KCNIP4: variants seen among roughly 807,000 people sequenced by gnomAD.
KCNIP4 encodes the protein potassium voltage-gated channel interacting protein 4, also known as Kv channel-interacting protein 4.
A neutral mutation model predicts 34.0 loss-of-function variants in KCNIP4; 12 were observed. The ratio of observed to expected loss-of-function variants is 0.35; its 90% CI spans 0.23 to 0.57. KCNIP4 has a LOEUF of 0.57. KCNIP4 is among the 20% of genes least tolerant of loss of function. KCNIP4 has a pLI of 0.83. For missense variants in KCNIP4, 238 were observed against 311.7 expected (o/e 0.76, Z 1.78); for synonymous variants, 124 against 102.2 (o/e 1.21, Z -1.29).
intron 1 of KCNIP4, among the ~76,000 whole-genome samples, chr4:21,212,542 A>G (rs1253748446): frequency 1.3e-5 from 2 of 152,202 alleles, no homozygotes; most frequent in Non-Finnish European, 2.9e-5. Flanking sequence ...GGATTGCTAC[A>G]ATGAATATCA....
chr4:21,275,794 T>A (rs1762401311), intron 1 of KCNIP4, among the ~76,000 whole-genome samples: 1 of 152,204 alleles, frequency 6.6e-6, no homozygotes, highest in Non-Finnish European at 1.5e-5. Context: ...AGAATTCCAA[T>A]TGCGGAGGCT....
intron 5 of KCNIP4, among the ~76,000 whole-genome samples, chr4:20,740,713 C>T (rs1312662826): frequency 6.6e-6 from 1 of 152,160 alleles, no homozygotes; most frequent in Non-Finnish European, 1.5e-5. Context: ...GGATCAAATT[C>T]ACACATAACA....
intron 1 of KCNIP4, among the ~76,000 whole-genome samples, chr4:20,960,597 G>C (rs1260747427): frequency 1.3e-5 from 2 of 152,222 alleles, no homozygotes; most frequent in Admixed American, 1.3e-4. Flanking sequence ...ATGGAAATCT[G>C]TGCAAGGCAA....
Position 21,841,371 on chromosome 4 carries a change from T to C in KCNIP4, c.61+107200A>G, listed in dbSNP as rs544358367. Among the ~76,000 whole-genome samples, 103 of 152,312 alleles carry C rather than the reference T, an allele frequency of 6.8e-4. 1 individual carries two copies. The South Asian group carries it at 0.012, about 18-fold the overall frequency. Reference sequence around the variant, plus strand: ...ACCTGGTCTCTTTTTAAACACTTGTTAGCAGGAAGCTATTCGTTTATTTGA... The same window carrying C: ...ACCTGGTCTCTTTTTAAACACTTGTCAGCAGGAAGCTATTCGTTTATTTGA... On this transcript the variant is annotated intron_variant, in intron 1 of 8. Transcript: ENST00000382152.
At chr4:21,754,201 TC>T (rs1419069009) in intron 1 of KCNIP4, among the ~76,000 whole-genome samples, 1 of 152,190 alleles carries the variant, frequency 6.6e-6, no homozygotes, top group Non-Finnish European at 1.5e-5. Flanking sequence ...AGGTTTCTGC[TC>T]AACTGTCACT....
intron 1 of KCNIP4, chr4:21,849,232 C>A (rs529977283): frequency 6.6e-6 from 1 of 152,154 alleles, no homozygotes; most frequent in East Asian, 1.9e-4. Context: ...CCACTCTATT[C>A]TTTTAGCTGT....
intron 1 of KCNIP4, among the ~76,000 whole-genome samples, chr4:20,996,484 T>C (rs1560631845): frequency 6.6e-6 from 1 of 152,204 alleles, no homozygotes; most frequent in African/African-American, 2.4e-5. Flanking sequence ...ATTTATTAAA[T>C]AAACTAAGAC....
chr4:21,128,572 C>T (rs1026474616), intron 1 of KCNIP4, among the ~76,000 whole-genome samples: 3 of 152,166 alleles, frequency 2.0e-5, no homozygotes, highest in African/African-American at 7.2e-5. Context: ...ATTCTATTTA[C>T]CAACTCCTTC....
intron 1 of KCNIP4, among the ~76,000 whole-genome samples, chr4:21,708,180 A>G (rs1713439063): frequency 6.6e-6 from 1 of 152,150 alleles, no homozygotes; most frequent in East Asian, 1.9e-4. Flanking sequence ...AGTTATAGGA[A>G]GTATTAAAAT....
intron 1 of KCNIP4, among the ~76,000 whole-genome samples, chr4:21,254,245 A>G (rs962751461): frequency 1.3e-5 from 2 of 152,204 alleles, no homozygotes; most frequent in African/African-American, 2.4e-5. Context: ...AGTTTCAAAC[A>G]TGGTTGTTGC....
chr4:20,733,908 G>T (rs184348162), intron 6 of KCNIP4, among the ~76,000 whole-genome samples: 1 of 152,100 alleles, frequency 6.6e-6, no homozygotes, highest in Non-Finnish European at 1.5e-5. Context: ...CTCCAGTAGC[G>T]CAAGTTCATG....
chr4:20,918,450 G>A (rs558972055), intron 1 of KCNIP4, among the ~76,000 whole-genome samples: 1 of 152,024 alleles, frequency 6.6e-6, no homozygotes, highest in African/African-American at 2.4e-5. Flanking sequence ...TGTCAAACCA[G>A]GCATATCTTT....
At chr4:21,376,538 C>A (rs1390266) in intron 1 of KCNIP4, among the ~76,000 whole-genome samples, 130,231 of 152,256 alleles carry the variant, frequency 0.86, 56,014 homozygotes, top group Non-Finnish European at 0.89. Flanking sequence ...TACTGCCTAT[C>A]CTTCAAAATT....
intron 1 of KCNIP4, among the ~76,000 whole-genome samples, chr4:21,286,261 T>A (rs558676998): frequency 6.6e-6 from 1 of 152,338 alleles, no homozygotes; most frequent in Non-Finnish European, 1.5e-5. Context: ...TGCATTTCAC[T>A]GAGTAAAATG....
intron 1 of KCNIP4, among the ~76,000 whole-genome samples, chr4:20,961,293 GA>G (rs1423268758): frequency 2.0e-5 from 3 of 152,072 alleles, no homozygotes; most frequent in Non-Finnish European, 4.4e-5. Context: ...CTCAAATAAA[GA>G]AAACATCCTG....
At position 21,812,134 on chromosome 4, in the gene KCNIP4, C is replaced by T. The variant is rs151156621; in HGVS notation, c.61+136437G>A. On this transcript the variant is annotated intron_variant, in intron 1 of 8. Coordinates refer to ENST00000382152, the MANE Select transcript of KCNIP4 (RefSeq NM_025221.6). Reference sequence around the variant, plus strand: ...CTATTTTCCAGAAAATAAAAATTAACGCATCTAGTTCTACAAAAAGAGGCT... The same window carrying T: ...CTATTTTCCAGAAAATAAAAATTAATGCATCTAGTTCTACAAAAAGAGGCT... Among the ~76,000 whole-genome samples, 1,292 of 152,198 alleles carry T rather than the reference C, an allele frequency of 8.5e-3. 14 individuals carry two copies. Among genetic ancestry groups the T allele is most frequent in the South Asian group, 0.028 (137 of 4,822 alleles).
intron 1 of KCNIP4, among the ~76,000 whole-genome samples, chr4:21,785,460 C>T (rs534044592): frequency 8.6e-5 from 13 of 151,984 alleles, no homozygotes; most frequent in South Asian, 2.1e-4. Context: ...GGTGTGGTGG[C>T]GCATGTCTGT....
intron 1 of KCNIP4, among the ~76,000 whole-genome samples, chr4:20,937,424 C>T (rs1014024298): frequency 8.6e-5 from 13 of 151,160 alleles, no homozygotes; most frequent in African/African-American, 1.5e-4. Flanking sequence ...TTAGTAGAGA[C>T]GGGGTTTCAC....
intron 1 of KCNIP4, among the ~76,000 whole-genome samples, chr4:21,103,776 T>A (rs1748196001): frequency 8.3e-6 from 1 of 120,912 alleles, no homozygotes; most frequent in African/African-American, 3.2e-5. Context: ...GATGTTCCCC[T>A]TCCTGTGTCC....
Sources: gnomAD v4.1 joint callset for allele counts (sites outside exome capture counted in the v4.1 genomes callset) on GRCh38, gnomAD v4.1.1 for gene constraint, MANE v1.5 for transcripts, NCBI Gene and HGNC (gene_info 2026-07-23, HGNC 2026-07-21) for gene names.